The following GALNT7 variants were observed in gnomAD, a reference collection of about 807,000 sequenced individuals.
GALNT7 encodes N-acetylgalactosaminyltransferase 7.
In GALNT7, 60 loss-of-function variants were observed where a neutral mutation model predicts 82.1. That is an observed-to-expected ratio of 0.73 (90% CI 0.59 to 0.91). GALNT7 has a LOEUF of 0.91. Among genes scored for constraint, GALNT7 ranks in the 40% least tolerant of loss-of-function variants. GALNT7 has a pLI of 0.00. For missense variants in GALNT7, 660 were observed against 804.2 expected (o/e 0.82, Z 2.17); for synonymous variants, 243 against 275.1 (o/e 0.88, Z 1.15).
intron 2 of GALNT7, among the ~76,000 whole-genome samples, chr4:173,279,783 A>G (rs6824485): frequency 0.12 from 18,628 of 151,920 alleles, 2,718 homozygotes; most frequent in African/African-American, 0.35. Context: ...GACCAGCCTG[A>G]CCAACATAGC....
intron 2 of GALNT7, among the ~76,000 whole-genome samples, chr4:173,254,187 T>C (rs1467171099): frequency 6.6e-6 from 1 of 152,212 alleles, no homozygotes; most frequent in Non-Finnish European, 1.5e-5. Context: ...AGATCGTTAA[T>C]ATCTTTCTTA....
chr4:173,175,475 C>T (rs1007951355), intron 1 of GALNT7, among the ~76,000 whole-genome samples: 44 of 152,312 alleles, frequency 2.9e-4, no homozygotes, highest in African/African-American at 1.1e-3. Flanking sequence ...GAGCTGTGCT[C>T]TCTGATCTTG....
intron 2 of GALNT7, among the ~76,000 whole-genome samples, chr4:173,281,948 G>C (rs1179442965): frequency 6.6e-6 from 1 of 152,106 alleles, no homozygotes; most frequent in Non-Finnish European, 1.5e-5. Flanking sequence ...GGGGTTCTTT[G>C]TCCTGCATCC....
At chr4:173,181,102 A>G (rs1014271848) in intron 1 of GALNT7, among the ~76,000 whole-genome samples, 2 of 152,214 alleles carry the variant, frequency 1.3e-5, no homozygotes, top group Non-Finnish European at 2.9e-5. Context: ...TTTTTAGAGT[A>G]ATGGAATAGA....
chr4:173,196,980 T>G (rs1455410901), intron 1 of GALNT7, among the ~76,000 whole-genome samples: 1 of 152,114 alleles, frequency 6.6e-6, no homozygotes, highest in East Asian at 1.9e-4. Flanking sequence ...TTTGGGTTCT[T>G]TGCCCAGACA....
intron 9 of GALNT7, chr4:173,317,409 A>C (rs1422036510): frequency 4.7e-6 from 2 of 426,678 alleles, no homozygotes; most frequent in Non-Finnish European, 8.5e-6. Flanking sequence ...GGAAATGTAT[A>C]GTCCTTTGCT....
At chr4:173,245,069 TG>T (rs534267688) in intron 1 of GALNT7, among the ~76,000 whole-genome samples, 104 of 152,100 alleles carry the variant, frequency 6.8e-4, no homozygotes, top group Non-Finnish European at 1.3e-3. Context: ...GCTGGGGAAA[TG>T]GATGTAGCAG....
intron 1 of GALNT7, among the ~76,000 whole-genome samples, chr4:173,181,421 G>A (rs750750148): frequency 4.0e-5 from 6 of 151,834 alleles, no homozygotes; most frequent in Non-Finnish European, 7.4e-5. Flanking sequence ...CATGGTAGTA[G>A]AGAAAAAAAT....
Position 173,323,628 on chromosome 4 carries a change from C to T in GALNT7, c.*1911C>T, listed in dbSNP as rs879119587. The T allele has an allele frequency of 3.3e-5, 5 of 152,360 alleles. No homozygotes were observed. The highest frequency in any genetic ancestry group is 4.1e-4 in the South Asian group (2 of 4,824). The allele number at this position is 152,360 out of a possible 1,614,324, so 9.4% of individuals were successfully genotyped here. A position where few individuals can be genotyped will look rare whatever the true frequency, so the allele number is the denominator to read the frequency against. On this transcript the variant is annotated 3_prime_UTR_variant, in exon 12 of 12. Coordinates refer to ENST00000265000, the MANE Select transcript of GALNT7 (RefSeq NM_017423.3). ...TTTTAAATGGGTACTTTGTGCAATT[C>T]GTTAAAAGAAGATACTCTATGAATA...
chr4:173,274,037 G>C (rs1194025694), intron 2 of GALNT7, among the ~76,000 whole-genome samples: 1 of 152,154 alleles, frequency 6.6e-6, no homozygotes, highest in Non-Finnish European at 1.5e-5. Context: ...GCTCATATTT[G>C]AAATGAGAGT....
At chr4:173,233,699 G>C (rs1554023167) in intron 1 of GALNT7, among the ~76,000 whole-genome samples, 1 of 152,278 alleles carries the variant, frequency 6.6e-6, no homozygotes, top group East Asian at 1.9e-4. Flanking sequence ...AGCCAGGCCA[G>C]TCCCCATGAC....
chr4:173,283,550 G>A (rs556750689), intron 2 of GALNT7, among the ~76,000 whole-genome samples: 1 of 150,776 alleles, frequency 6.6e-6, no homozygotes, highest in East Asian at 2.0e-4. Context: ...TGAAGCAGGA[G>A]AATCCCTTGA....
intron 1 of GALNT7, among the ~76,000 whole-genome samples, chr4:173,214,441 T>C (rs1173138751): frequency 6.6e-6 from 1 of 152,162 alleles, no homozygotes; most frequent in Non-Finnish European, 1.5e-5. Flanking sequence ...ACCCCTTATC[T>C]CTAACTAGCC....
intron 2 of GALNT7, among the ~76,000 whole-genome samples, chr4:173,277,969 G>A (rs1270891172): frequency 6.6e-6 from 1 of 152,100 alleles, no homozygotes; most frequent in Non-Finnish European, 1.5e-5. Context: ...AGGAAGTACT[G>A]TCAGTAATCC....
intron 1 of GALNT7, among the ~76,000 whole-genome samples, chr4:173,196,813 G>A (rs1732793079): frequency 6.6e-6 from 1 of 152,168 alleles, no homozygotes; most frequent in African/African-American, 2.4e-5. Flanking sequence ...TGGGTAACAT[G>A]AAGATGTTGT....
At chr4:173,274,960 G>A (rs80051320) in intron 2 of GALNT7, among the ~76,000 whole-genome samples, 3 of 152,146 alleles carry the variant, frequency 2.0e-5, no homozygotes, top group African/African-American at 7.2e-5. Context: ...AGTGCTTAGT[G>A]ACTCCACGGT....
chr4:173,310,987 G>A (rs935441346), intron 8 of GALNT7, among the ~76,000 whole-genome samples: 10 of 152,256 alleles, frequency 6.6e-5, no homozygotes, highest in Middle Eastern at 6.8e-3. Flanking sequence ...TGGGATCAGA[G>A]GTGTGAGCCA....
chr4:173,316,659 G>C (rs1737617132), intron 9 of GALNT7: 1 of 152,190 alleles, frequency 6.6e-6, no homozygotes, highest in Non-Finnish European at 1.5e-5. Context: ...ATACATGAAT[G>C]AATAAATGGA....
intron 2 of GALNT7, among the ~76,000 whole-genome samples, chr4:173,288,703 G>A (rs537512072): frequency 6.6e-6 from 1 of 152,258 alleles, no homozygotes; most frequent in South Asian, 2.1e-4. Context: ...TCCAAATGGA[G>A]AGGGAAGAGG....
Sources: allele counts gnomAD v4.1 joint callset (sites outside exome capture counted in the v4.1 genomes callset), GRCh38; gene constraint gnomAD v4.1.1; transcripts MANE v1.5; gene names NCBI Gene and HGNC (gene_info 2026-07-23, HGNC 2026-07-21).